Variants in TULP4 observed in about 807,000 individuals in gnomAD.
TULP4 encodes the protein tubby-related protein 4.
TULP4 carries 16 observed loss-of-function variants against 129.0 expected under a neutral mutation model. The observed-to-expected ratio is 0.12, with a 90% CI of 0.08 to 0.19. The LOEUF (loss-of-function observed/expected upper bound fraction) is 0.19. Ranked by LOEUF, TULP4 falls within the 10% of genes least tolerant of loss-of-function variation. The pLI is 1.00. For synonymous variants in TULP4, 998 were observed against 854.0 expected, an observed-to-expected ratio of 1.17 and a Z score of -2.94; for missense variants, 1,842 against 2,059.1, an observed-to-expected ratio of 0.89 and a Z score of 2.04.
At chr6:158,264,745 G>A (rs1778419842) in intron 1 of TULP4, among the ~76,000 whole-genome samples, 1 of 152,170 alleles carries the variant, frequency 6.6e-6, no homozygotes, top group African/African-American at 2.4e-5. Context: ...CCGCATGTGG[G>A]TTGTGGCAAA....
At chr6:158,438,566 A>C (rs113312118) in intron 3 of TULP4, among the ~76,000 whole-genome samples, 1 of 141,806 alleles carries the variant, frequency 7.1e-6, no homozygotes, top group Non-Finnish European at 1.6e-5. Context: ...AAAACACCAC[A>C]GTTTGTTTGT....
At chr6:158,476,588 A>G (rs1451147875) in intron 6 of TULP4, among the ~76,000 whole-genome samples, 3 of 152,128 alleles carry the variant, frequency 2.0e-5, no homozygotes, top group African/African-American at 4.8e-5. Flanking sequence ...TGTTCATCCA[A>G]CCATGCTACC....
At chr6:158,291,436 T>C (rs1230980152) in intron 1 of TULP4, among the ~76,000 whole-genome samples, 1 of 152,238 alleles carries the variant, frequency 6.6e-6, no homozygotes, top group Non-Finnish European at 1.5e-5. Context: ...TGTAAGCACC[T>C]GTCTTTTCCT....
At chr6:158,410,840 G>T (rs146748799) in intron 1 of TULP4, among the ~76,000 whole-genome samples, 41 of 152,094 alleles carry the variant, frequency 2.7e-4, no homozygotes, top group African/African-American at 9.4e-4. Flanking sequence ...TGGGTTTGTT[G>T]CCCTGCTCCC....
chr6:158,439,915 G>A (rs946656535), intron 3 of TULP4, among the ~76,000 whole-genome samples: 2 of 151,468 alleles, frequency 1.3e-5, no homozygotes, highest in South Asian at 4.1e-4. Flanking sequence ...GTTTCACTGT[G>A]TTAGCCAGGA....
chr6:158,243,762 C>A (rs1474727320), intron 1 of TULP4, among the ~76,000 whole-genome samples: 5 of 151,322 alleles, frequency 3.3e-5, no homozygotes, highest in Non-Finnish European at 7.4e-5. Flanking sequence ...ATACTAGCAA[C>A]CATTCTTGAA....
chr6:158,456,317 G>T (rs1459036896), intron 5 of TULP4, among the ~76,000 whole-genome samples: 2 of 152,240 alleles, frequency 1.3e-5, no homozygotes, highest in African/African-American at 4.8e-5. Flanking sequence ...CCAGCTTGCA[G>T]CCTGTGGGCC....
upstream of TULP4, among the ~76,000 whole-genome samples, chr6:158,311,362 G>A (rs1038442183): frequency 6.6e-6 from 1 of 152,186 alleles, no homozygotes; most frequent in Non-Finnish European, 1.5e-5. Context: ...GGACTGGCGG[G>A]GCGGGAGGGC....
upstream of TULP4, among the ~76,000 whole-genome samples, chr6:158,308,609 G>A (rs1418297426): frequency 5.3e-5 from 8 of 151,400 alleles, no homozygotes; most frequent in East Asian, 6.0e-4. Context: ...CTCCCGGACG[G>A]GGCGGCTGGT....
chr6:158,369,370 A>T (rs112701469), intron 1 of TULP4, among the ~76,000 whole-genome samples: 1 of 152,214 alleles, frequency 6.6e-6, no homozygotes. Context: ...ATATGGTGGC[A>T]TGCCTGTAGT....
intron 1 of TULP4, among the ~76,000 whole-genome samples, chr6:158,253,250 G>A (rs1351653971): frequency 6.6e-6 from 1 of 152,198 alleles, no homozygotes; most frequent in Non-Finnish European, 1.5e-5. Flanking sequence ...GAGGAAGAAT[G>A]TATTCCTATA....
In TULP4 at chr6:158,385,373, T is replaced by C. The variant is rs140881063; in HGVS notation, c.253-27692T>C. Among the ~76,000 whole-genome samples the C allele has an allele frequency of 7.2e-5, 11 of 152,318 alleles. No homozygotes were observed. In the East Asian group the frequency reaches 1.9e-3, roughly 27 times the overall value. On this transcript the variant is annotated intron_variant, in intron 1 of 13. Coordinates refer to ENST00000367097, the MANE Select transcript of TULP4 (RefSeq NM_020245.5). ...GGTGCCCTTTAGTTAGGTTGTACCA[T>C]AGATGATAGTCCACAGAGAAGCATT...
chr6:158,424,287 C>T (rs983830784), intron 2 of TULP4, among the ~76,000 whole-genome samples: 2 of 152,118 alleles, frequency 1.3e-5, no homozygotes, highest in Non-Finnish European at 1.5e-5. Flanking sequence ...GATGGAGTCT[C>T]GCTCTGTGCT....
chr6:158,294,105 T>A (rs1254055768), intron 1 of TULP4, among the ~76,000 whole-genome samples: 1 of 152,238 alleles, frequency 6.6e-6, no homozygotes, highest in Non-Finnish European at 1.5e-5. Flanking sequence ...GGTTCACTCC[T>A]GTAATCCCAG....
At chr6:158,343,933 C>T (rs1426412262) in intron 1 of TULP4, among the ~76,000 whole-genome samples, 1 of 152,192 alleles carries the variant, frequency 6.6e-6, no homozygotes, top group South Asian at 2.1e-4. Flanking sequence ...CTGTGACCTG[C>T]ACGTATACAT....
intron 1 of TULP4, among the ~76,000 whole-genome samples, chr6:158,325,962 A>G (rs548056050): frequency 4.7e-5 from 7 of 150,362 alleles, no homozygotes; most frequent in Non-Finnish European, 8.8e-5. Context: ...TGATGAATCA[A>G]TTTTAGGATT....
chr6:158,367,309 T>TAGGAGGAGGAGTCGTCAGCC (rs1562537631), intron 1 of TULP4, among the ~76,000 whole-genome samples: 1 of 152,062 alleles, frequency 6.6e-6, no homozygotes, highest in Non-Finnish European at 1.5e-5. Context: ...CTCAAGAGGG[T>TAGGAGGAGGAGTCGTCAGCC]AGGAGGAGGA....
upstream of TULP4, among the ~76,000 whole-genome samples, chr6:158,308,389 C>T: frequency 2.0e-5 from 3 of 151,822 alleles, no homozygotes; most frequent in Non-Finnish European, 1.5e-5. Context: ...GAAAAGTTTC[C>T]CATGTCTACT....
At position 158,378,463 on chromosome 6, in the gene TULP4, G is replaced by GTTTTTTTTTTTTTTTTTTT. The variant is rs61250704; in HGVS notation, c.253-34598_253-34580dup. ...TTGAGCAGTTAGGATGGGGGAGCCA[G>GTTTTTTTTTTTTTTTTTTT]TTTTTTTTTTTTTTTTTTTTTTGGT... On this transcript the variant is annotated intron_variant, in intron 1 of 13. Coordinates refer to ENST00000367097, the MANE Select transcript of TULP4 (RefSeq NM_020245.5). Among the ~76,000 whole-genome samples, 4 of 53,642 alleles carry GTTTTTTTTTTTTTTTTTTT rather than the reference G, an allele frequency of 7.5e-5. 2 individuals carry two copies. The highest frequency in any genetic ancestry group is 4.7e-4 in the African/African-American group (4 of 8,524). The allele number at this position is 53,642 out of a possible 152,430, so 35.2% of individuals were successfully genotyped here.
Sources: gnomAD v4.1 joint callset for allele counts (sites outside exome capture counted in the v4.1 genomes callset) on GRCh38, gnomAD v4.1.1 for gene constraint, MANE v1.5 for transcripts, NCBI Gene and HGNC (gene_info 2026-07-23, HGNC 2026-07-21) for gene names.